The following CEP128 variants were observed in gnomAD, a reference collection of about 807,000 sequenced individuals.
CEP128 encodes centrosomal protein 128kDa.
Under a neutral mutation model 156.7 loss-of-function variants are expected in CEP128, and 132 were observed. That is an observed-to-expected ratio of 0.84 (90% confidence interval 0.73 to 0.97). The LOEUF (loss-of-function observed/expected upper bound fraction) is 0.97, where lower values mean the gene tolerates loss of function less well. Ranked by LOEUF, CEP128 falls within the 50% of genes least tolerant of loss-of-function variation. The pLI is 0.00. For synonymous variants in CEP128, 469 were observed against 448.9 expected (o/e 1.04, Z -0.57); for missense variants, 1,252 against 1,281.9 (o/e 0.98, Z 0.36).
intron 2 of CEP128, among the ~76,000 whole-genome samples, chr14:80,935,588 AAATAAATAAAT>A: frequency 6.8e-6 from 1 of 147,172 alleles, no homozygotes. Flanking sequence ...ATAAATAAAT[AAATAAATAAAT>A]AAAAATAAAG....
intron 8 of CEP128, among the ~76,000 whole-genome samples, chr14:80,869,655 A>T (rs1020849470): frequency 1.3e-5 from 2 of 152,034 alleles, no homozygotes; most frequent in Non-Finnish European, 2.9e-5. Flanking sequence ...CCATGAAACT[A>T]ACAGTTGTTT....
chr14:80,501,798 G>A (rs1437923630), intron 24 of CEP128, among the ~76,000 whole-genome samples: 1 of 151,894 alleles, frequency 6.6e-6, no homozygotes, highest in Non-Finnish European at 1.5e-5. Context: ...TGAGGTAGGA[G>A]GTGGGACTAG....
intron 20 of CEP128, among the ~76,000 whole-genome samples, chr14:80,570,442 G>A (rs1040584313): frequency 6.6e-6 from 1 of 152,014 alleles, no homozygotes; most frequent in African/African-American, 2.4e-5. Flanking sequence ...TAATGTTCAT[G>A]AAAACTTCCA....
intron 1 of CEP128, chr14:80,959,306 T>C (rs1677731580): frequency 6.6e-6 from 1 of 152,162 alleles, no homozygotes; most frequent in African/African-American, 2.4e-5. Flanking sequence ...CCATTGAAAA[T>C]TACTGATTTA....
intron 19 of CEP128, among the ~76,000 whole-genome samples, chr14:80,611,538 G>C (rs2140585488): frequency 6.6e-6 from 1 of 152,120 alleles, no homozygotes; most frequent in South Asian, 2.1e-4. Context: ...AAGTAAAAGA[G>C]ATGAAAAGGA....
chr14:80,740,494 CTAGATAGA>C (rs200610505), intron 19 of CEP128, among the ~76,000 whole-genome samples: 7,655 of 140,798 alleles, frequency 0.054, 235 homozygotes, highest in African/African-American at 0.066. Flanking sequence ...ATATTTATAT[CTAGATAGA>C]TAGATAGATA....
At chr14:80,679,237 G>T (rs1381810359) in intron 19 of CEP128, among the ~76,000 whole-genome samples, 2 of 152,150 alleles carry the variant, frequency 1.3e-5, no homozygotes, top group South Asian at 4.1e-4. Flanking sequence ...CGATTTTAGG[G>T]AACAAGGGAA....
At chr14:80,834,478 A>G (rs911168415) in intron 12 of CEP128, among the ~76,000 whole-genome samples, 2 of 152,208 alleles carry the variant, frequency 1.3e-5, no homozygotes, top group African/African-American at 4.8e-5. Flanking sequence ...TGAAAATATG[A>G]TAAGTATGAT....
rs768679160 is a variant in CEP128, at chr14:80,838,244, A to G, written c.884T>C (p.Leu295Ser). 5.0e-6 allele frequency: 8 copies of G among 1,613,674 alleles called. No homozygotes were observed. The Admixed American group carries it at 1.2e-4, about 24-fold the overall frequency. Residue 295 changes from leucine (L) to serine (S), a missense_variant, in exon 11 of 25, where the codon TTG (leucine) becomes TCG (serine). Transcript: ENST00000555265. Reference protein sequence around the residue: ...EQELELSRRLLNQSEGSRETL... With the variant: ...EQELELSRRLSNQSEGSRETL... ...TTCTCGGCTGCCTTCTGATTGATTC[A>G]ATAACCTTCGAGATAGCTCCAATTC...
chr14:80,830,374 C>T (rs66748940), intron 13 of CEP128: 47,367 of 402,530 alleles, frequency 0.12, 4,587 homozygotes, highest in East Asian at 0.41. Flanking sequence ...TAATTTTCTA[C>T]CTTTCATTTT....
chr14:80,840,906 T>C (rs1210822587), intron 9 of CEP128, 138 bp from the exon 10 acceptor site: 5 of 610,484 alleles, frequency 8.2e-6, no homozygotes, highest in Non-Finnish European at 1.5e-5. Flanking sequence ...AGTCTGCTCA[T>C]AAGAACACTT....
At chr14:80,844,014 T>A (rs1226046768) in intron 9 of CEP128, among the ~76,000 whole-genome samples, 2 of 151,990 alleles carry the variant, frequency 1.3e-5, no homozygotes, top group Non-Finnish European at 2.9e-5. Flanking sequence ...AACACATACT[T>A]TTTTTGTCAT....
At position 80,923,853 on chromosome 14, in the gene CEP128, G is replaced by A. The variant is rs867740798; in HGVS notation, c.-15-7291C>T. Among the ~76,000 whole-genome samples the A allele has an allele frequency of 2.0e-5, 3 of 152,130 alleles. No homozygotes were observed. The South Asian group carries it at 6.2e-4, about 32-fold the overall frequency. On this transcript the variant is annotated intron_variant, in intron 2 of 24. Coordinates refer to ENST00000555265, the MANE Select transcript of CEP128 (RefSeq NM_152446.5). ...CCATGCATTTAGTGAGAGACCTGAT[G>A]GGAGGTGACAGGATCATGGAGGCAG... is the stretch of plus-strand genomic sequence containing the variant.
chr14:80,570,325 C>T (rs1566786302), intron 20 of CEP128, among the ~76,000 whole-genome samples: 1 of 152,110 alleles, frequency 6.6e-6, no homozygotes, highest in Non-Finnish European at 1.5e-5. Context: ...ACCATGTTGG[C>T]CAGGATGGTC....
chr14:80,582,369 A>G (rs1891627864), intron 19 of CEP128, among the ~76,000 whole-genome samples: 1 of 152,178 alleles, frequency 6.6e-6, no homozygotes, highest in Non-Finnish European at 1.5e-5. Context: ...TATTAGAAGG[A>G]TATAGAGATA....
At chr14:80,582,552 G>A (rs1218284657) in intron 19 of CEP128, among the ~76,000 whole-genome samples, 2 of 151,942 alleles carry the variant, frequency 1.3e-5, no homozygotes, top group Non-Finnish European at 2.9e-5. Context: ...AACAGCTACT[G>A]AGCCTAGCTT....
intron 4 of CEP128, among the ~76,000 whole-genome samples, chr14:80,912,215 CAAA>C (rs77091923): frequency 8.0e-6 from 1 of 124,500 alleles, no homozygotes; most frequent in Non-Finnish European, 1.7e-5. Flanking sequence ...GACTCCACCT[CAAA>C]AAAAAAAAAA....
chr14:80,911,971 C>T (rs548057909), intron 4 of CEP128, among the ~76,000 whole-genome samples: 103 of 152,308 alleles, frequency 6.8e-4, no homozygotes, highest in Middle Eastern at 3.4e-3. Flanking sequence ...GTAATCCCAG[C>T]ACTTTGGGAG....
intron 19 of CEP128, among the ~76,000 whole-genome samples, chr14:80,713,266 G>A (rs139143685): frequency 1.0e-3 from 152 of 152,178 alleles, no homozygotes; most frequent in African/African-American, 3.3e-3. Flanking sequence ...CACATTTTCC[G>A]CGGTGATCTT....
Sources: gnomAD v4.1 joint callset for allele counts (sites outside exome capture counted in the v4.1 genomes callset) on GRCh38, gnomAD v4.1.1 for gene constraint, MANE v1.5 for transcripts, NCBI Gene and HGNC (gene_info 2026-07-23, HGNC 2026-07-21) for gene names.